The following PPM1L variants were observed in gnomAD, a reference collection of about 807,000 sequenced individuals.
PPM1L encodes protein phosphatase 1L.
In PPM1L, 13 loss-of-function variants were observed where a neutral mutation model predicts 31.4. The ratio of observed to expected loss-of-function variants is 0.41; its 90% confidence interval spans 0.27 to 0.66. The LOEUF is 0.66. Among genes scored for constraint, PPM1L ranks in the 30% least tolerant of loss-of-function variants. PPM1L has a pLI of 0.29. For synonymous variants in PPM1L, 184 were observed against 175.4 expected, an observed-to-expected ratio of 1.05 and a Z score of -0.39; for missense variants, 326 against 453.7, an observed-to-expected ratio of 0.72 and a Z score of 2.56.
intron 1 of PPM1L, among the ~76,000 whole-genome samples, chr3:160,927,006 G>C (rs1714617432): frequency 6.6e-6 from 1 of 152,194 alleles, no homozygotes; most frequent in Non-Finnish European, 1.5e-5. Context: ...TTTTGCAGAT[G>C]AATCAAGAAA....
chr3:161,038,166 G>A (rs1030350573), intron 2 of PPM1L, among the ~76,000 whole-genome samples: 6 of 149,014 alleles, frequency 4.0e-5, no homozygotes, highest in Admixed American at 1.3e-4. Flanking sequence ...CCCGGGAGGC[G>A]GAGCTTGCAG....
intron 1 of PPM1L, among the ~76,000 whole-genome samples, chr3:160,886,739 C>G (rs990895878): frequency 3.3e-5 from 5 of 152,064 alleles, no homozygotes; most frequent in African/African-American, 1.2e-4. Flanking sequence ...ACTAGACAAA[C>G]TCAAGAAGAT....
intron 1 of PPM1L, among the ~76,000 whole-genome samples, chr3:160,924,503 A>G (rs1188370744): frequency 6.6e-6 from 1 of 152,212 alleles, no homozygotes; most frequent in Non-Finnish European, 1.5e-5. Flanking sequence ...AATCTAGCCT[A>G]ATAACCAATG....
intron 1 of PPM1L, among the ~76,000 whole-genome samples, chr3:160,825,840 C>T (rs1036636204): frequency 5.3e-5 from 8 of 152,120 alleles, no homozygotes; most frequent in African/African-American, 1.9e-4. Context: ...CCTCCACACT[C>T]ATATCTAGTA....
chr3:161,056,310 T>C (rs1232453218), intron 2 of PPM1L, among the ~76,000 whole-genome samples: 1 of 152,156 alleles, frequency 6.6e-6, no homozygotes, highest in African/African-American at 2.4e-5. Flanking sequence ...TCAAAAAGGC[T>C]GCTGTCATCA....
At chr3:160,950,648 G>A (rs977549359) in intron 1 of PPM1L, among the ~76,000 whole-genome samples, 5 of 152,154 alleles carry the variant, frequency 3.3e-5, no homozygotes, top group African/African-American at 1.2e-4. Context: ...GCCAAATAAG[G>A]CCCAGTAGGA....
chr3:160,946,757 C>T lies in PPM1L; in HGVS notation c.400-14979C>T, dbSNP rs573515593. ...TTGAAAGTGCCACTTTCTTGTCATACTGGGCAATTTCCATGCAATTCTTAA... is the reference window on the plus strand; with the variant it reads ...TTGAAAGTGCCACTTTCTTGTCATATTGGGCAATTTCCATGCAATTCTTAA... On this transcript the variant is annotated intron_variant, in intron 1 of 3. Transcript: ENST00000498165. Among the ~76,000 whole-genome samples the T allele has an allele frequency of 3.3e-4, 50 of 152,278 alleles. 1 individual carries two copies. The South Asian group carries it at 8.9e-3, about 27-fold the overall frequency.
chr3:161,053,420 T>C (rs1719329905), intron 2 of PPM1L, among the ~76,000 whole-genome samples: 1 of 152,228 alleles, frequency 6.6e-6, no homozygotes, highest in South Asian at 2.1e-4. Flanking sequence ...AGCAGCTCTC[T>C]TTAATATGTT....
intron 1 of PPM1L, among the ~76,000 whole-genome samples, chr3:160,803,452 T>C (rs965407042): frequency 2.3e-5 from 3 of 130,154 alleles, no homozygotes; most frequent in African/African-American, 1.1e-4. Flanking sequence ...GATAAAACAA[T>C]GAAAAGTGTT....
intron 2 of PPM1L, among the ~76,000 whole-genome samples, chr3:161,033,640 T>C (rs113704802): frequency 0.013 from 1,976 of 152,308 alleles, 41 homozygotes; most frequent in African/African-American, 0.045. Flanking sequence ...GCTAGCTATA[T>C]GTAGAAAACC....
intron 1 of PPM1L, among the ~76,000 whole-genome samples, chr3:160,959,093 T>TAC (rs1352514027): frequency 2.6e-5 from 4 of 152,244 alleles, no homozygotes; most frequent in Non-Finnish European, 4.4e-5. Context: ...GTGTTGTATA[T>TAC]ACACCATGGT....
intron 2 of PPM1L, among the ~76,000 whole-genome samples, chr3:160,993,167 T>C (rs1472807414): frequency 6.6e-6 from 1 of 152,170 alleles, no homozygotes; most frequent in African/African-American, 2.4e-5. Context: ...AATTGTTAGC[T>C]GATATTATAT....
chr3:161,031,830 A>C (rs569767135), intron 2 of PPM1L, among the ~76,000 whole-genome samples: 20 of 152,240 alleles, frequency 1.3e-4, no homozygotes, highest in Admixed American at 8.5e-4. Flanking sequence ...CAGCAACACC[A>C]GCAGTCCATG....
At chr3:160,915,277 G>C (rs1714128632) in intron 1 of PPM1L, among the ~76,000 whole-genome samples, 1 of 152,102 alleles carries the variant, frequency 6.6e-6, no homozygotes, top group South Asian at 2.1e-4. Flanking sequence ...GACAAACAGA[G>C]AGCCAAATCA....
intron 1 of PPM1L, among the ~76,000 whole-genome samples, chr3:160,866,438 G>T (rs536296759): frequency 6.6e-6 from 1 of 152,224 alleles, no homozygotes; most frequent in African/African-American, 2.4e-5. Context: ...CATGTCCCTT[G>T]TACATTTTAT....
chr3:161,018,106 A>T (rs1184737439), intron 2 of PPM1L, among the ~76,000 whole-genome samples: 1 of 152,208 alleles, frequency 6.6e-6, no homozygotes, highest in Non-Finnish European at 1.5e-5. Context: ...ATCTTAAAAG[A>T]TAAATTTGCA....
intron 1 of PPM1L, among the ~76,000 whole-genome samples, chr3:160,906,884 T>C (rs1479165080): frequency 6.6e-6 from 1 of 152,188 alleles, no homozygotes; most frequent in Non-Finnish European, 1.5e-5. Context: ...ACAGAGCAGC[T>C]TACAACATGG....
chr3:161,069,121 G>A lies in PPM1L; in HGVS notation c.1047G>A (p.Val349=), dbSNP rs137922197. 1.6e-4 allele frequency: 253 copies of A among 1,614,036 alleles called. No homozygotes were observed. The African/African-American group carries it at 3.1e-3, about 19-fold the overall frequency. ...CTGACAATATAACAGTCATGGTGGT[G>A]AAGTTCAGAAATAGCAGCAAAACAG... ...GCPDNITVMV[V]KFRNSSKTEE... is the part of the protein sequence containing the mutation. Residue 349 remains valine, a synonymous_variant, in exon 4 of 4, where the codon GTG becomes GTA. Coordinates refer to ENST00000498165, the MANE Select transcript of PPM1L (RefSeq NM_139245.4).
rs573127038 is a variant in PPM1L, at chr3:160,818,043, A to T, written c.399+61336A>T. On this transcript the variant is annotated intron_variant, in intron 1 of 3. Coordinates refer to ENST00000498165, the MANE Select transcript of PPM1L (RefSeq NM_139245.4). ...AGATGGAAGGAAAAGGAGTATTTAA[A>T]GAAAAATAAAATCATAGCATGGGAA... 2.6e-5 allele frequency among the ~76,000 whole-genome samples: 4 copies of T among 152,174 alleles called. No individual in the cohort carries two copies. The East Asian group carries it at 7.7e-4, about 29-fold the overall frequency.
Sources: gnomAD v4.1 joint callset for allele counts (sites outside exome capture counted in the v4.1 genomes callset) on GRCh38, gnomAD v4.1.1 for gene constraint, MANE v1.5 for transcripts, NCBI Gene and HGNC (gene_info 2026-07-23, HGNC 2026-07-21) for gene names.